ITGB3BP: variants seen among roughly 807,000 people sequenced by gnomAD.
ITGB3BP encodes the protein integrin subunit beta 3 binding protein, also known as centromere protein R.
ITGB3BP carries 27 observed loss-of-function variants against 29.1 expected under a neutral mutation model. The ratio of observed to expected loss-of-function variants is 0.93; its 90% confidence interval spans 0.68 to 1.28. The LOEUF is 1.28. Among genes scored for constraint, ITGB3BP ranks in the 50% most tolerant of loss-of-function variants. The probability of loss-of-function intolerance (pLI) is 0.00; values close to 1 mark genes in which losing one functional copy is unlikely to be tolerated. For synonymous variants in ITGB3BP, 61 were observed against 61.4 expected (o/e 0.99, Z 0.03); for missense variants, 192 against 200.2 (o/e 0.96, Z 0.25).
chr1:63,468,125 A>G (rs551264535), intron 4 of ITGB3BP, among the ~76,000 whole-genome samples: 1 of 152,322 alleles, frequency 6.6e-6, no homozygotes, highest in Admixed American at 6.5e-5. Flanking sequence ...TACATAGTAA[A>G]AAACATGGCT....
chr1:63,523,181 CAACTTCCGAA>C lies in ITGB3BP; in HGVS notation c.-58_-49del. 1.9e-6 allele frequency: 3 copies of C among 1,613,012 alleles called. No individual in the cohort carries two copies. The highest frequency in any genetic ancestry group is 2.5e-6 in the Non-Finnish European group (3 of 1,179,720). On this transcript the variant is annotated 5_prime_UTR_variant, in exon 1 of 9. Transcript: ENST00000271002. ...CTGCCGCTGAATAAAACGAACCCAG[CAACTTCCGAA>C]AACAGAAAATCCGCCAAAGGAAACG... is the stretch of plus-strand genomic sequence containing the variant.
At chr1:63,515,865 C>G (rs1022912725) in intron 1 of ITGB3BP, among the ~76,000 whole-genome samples, 2 of 144,042 alleles carry the variant, frequency 1.4e-5, no homozygotes, top group Non-Finnish European at 3.0e-5. Flanking sequence ...AACTACCCAG[C>G]AACCACCACA....
At chr1:63,482,019 T>A (rs927194839) in intron 3 of ITGB3BP, among the ~76,000 whole-genome samples, 1 of 152,024 alleles carries the variant, frequency 6.6e-6, no homozygotes, top group Non-Finnish European at 1.5e-5. Flanking sequence ...ATGCCTGTAA[T>A]CCTAGCACTT....
At chr1:63,517,204 G>T (rs1646352094) in intron 1 of ITGB3BP, among the ~76,000 whole-genome samples, 1 of 151,736 alleles carries the variant, frequency 6.6e-6, no homozygotes, top group Non-Finnish European at 1.5e-5. Flanking sequence ...AACTTAAAAA[G>T]AAATGTTTGT....
At chr1:63,503,359 G>A (rs1645988026) in intron 2 of ITGB3BP, among the ~76,000 whole-genome samples, 1 of 151,486 alleles carries the variant, frequency 6.6e-6, no homozygotes, top group Admixed American at 6.6e-5. Context: ...TTTTGATGGG[G>A]TTGTTTTTTT....
chr1:63,460,027 A>AT (rs200344835), intron 4 of ITGB3BP, among the ~76,000 whole-genome samples: 2 of 151,934 alleles, frequency 1.3e-5, no homozygotes, highest in African/African-American at 4.8e-5. Flanking sequence ...AAAAAAAAAA[A>AT]TTCCCCCCCG....
At chr1:63,473,604 G>A (rs1182588270) in intron 4 of ITGB3BP, among the ~76,000 whole-genome samples, 138 of 129,702 alleles carry the variant, frequency 1.1e-3, no homozygotes, top group Middle Eastern at 5.2e-3. Flanking sequence ...CAGCCGCCCC[G>A]TCCGGGAGGG....
chr1:63,477,846 A>G (rs761563024), intron 4 of ITGB3BP, among the ~76,000 whole-genome samples: 3 of 152,138 alleles, frequency 2.0e-5, no homozygotes, highest in Non-Finnish European at 2.9e-5. Context: ...AAACATATGC[A>G]CTACTTTGAA....
chr1:63,479,905 T>C (rs756609190), intron 3 of ITGB3BP, among the ~76,000 whole-genome samples: 3 of 152,180 alleles, frequency 2.0e-5, no homozygotes. Context: ...GCAATGAACA[T>C]GGGAGTCCAG....
chr1:63,509,178 GCTCT>G (rs2100776795), intron 1 of ITGB3BP, among the ~76,000 whole-genome samples: 1 of 152,272 alleles, frequency 6.6e-6, no homozygotes, highest in South Asian at 2.1e-4. Flanking sequence ...AATATGCCAG[GCTCT>G]CTGTGTGCAA....
chr1:63,476,351 A>G, intron 4 of ITGB3BP, among the ~76,000 whole-genome samples: 1 of 152,104 alleles, frequency 6.6e-6, no homozygotes, highest in East Asian at 1.9e-4. Context: ...TTTAGTAGAT[A>G]ATAATGGGCA....
At chr1:63,477,252 A>G (rs1645356618) in intron 4 of ITGB3BP, among the ~76,000 whole-genome samples, 1 of 152,240 alleles carries the variant, frequency 6.6e-6, no homozygotes, top group Admixed American at 6.5e-5. Context: ...TATATAGTTC[A>G]GCTATATTAT....
chr1:63,459,327 C>G (rs906631070), intron 4 of ITGB3BP, among the ~76,000 whole-genome samples: 1 of 152,138 alleles, frequency 6.6e-6, no homozygotes, highest in Non-Finnish European at 1.5e-5. Flanking sequence ...CTAATTAATT[C>G]TATTACTAAA....
intron 1 of ITGB3BP, among the ~76,000 whole-genome samples, chr1:63,516,543 T>C (rs12739873): frequency 1 from 151,521 of 151,524 alleles, 75,759 homozygotes; most frequent in Middle Eastern, 1. Flanking sequence ...GACTCTGTCT[T>C]TACAAAAAAA....
intron 1 of ITGB3BP, among the ~76,000 whole-genome samples, chr1:63,510,767 G>A (rs6698928): frequency 0.21 from 32,443 of 151,746 alleles, 4,032 homozygotes; most frequent in African/African-American, 0.35. Flanking sequence ...GAGGGGAAGG[G>A]AATTAAAGAA....
At chr1:63,494,995 C>T (rs1001860669) in intron 2 of ITGB3BP, among the ~76,000 whole-genome samples, 2 of 152,070 alleles carry the variant, frequency 1.3e-5, no homozygotes, top group Non-Finnish European at 2.9e-5. Flanking sequence ...TTTTTAGAGA[C>T]AGGGTCTTAC....
intron 8 of ITGB3BP, among the ~76,000 whole-genome samples, chr1:63,442,113 A>G (rs943508423): frequency 1.3e-5 from 2 of 152,168 alleles, no homozygotes; most frequent in African/African-American, 4.8e-5. Context: ...AAACAAACAG[A>G]TAATCCCATC....
At position 63,453,814 on chromosome 1, in the gene ITGB3BP, G is replaced by A. The variant is rs544776298; in HGVS notation, c.484+104C>T. On this transcript the variant is annotated intron_variant, in intron 7 of 8. Transcript: ENST00000271002. ...AACATACTTCAGAACAGGGATCTCT[G>A]AGGAAAAAAGAAAACCACTAAAAAG... The A allele has an allele frequency of 8.6e-6, 6 of 701,572 alleles. No individual in the cohort carries two copies. The Admixed American group carries it at 1.0e-4, about 12-fold the overall frequency. 43.5% of individuals were successfully genotyped at this position (701,572 alleles called of 1,614,324 possible).
chr1:63,504,166 C>G (rs1027008447), intron 2 of ITGB3BP, among the ~76,000 whole-genome samples: 5 of 151,550 alleles, frequency 3.3e-5, no homozygotes, highest in Admixed American at 1.3e-4. Context: ...TCTTCCATTT[C>G]TTTGTATCCT....
Sources: allele counts gnomAD v4.1 joint callset (sites outside exome capture counted in the v4.1 genomes callset), GRCh38; gene constraint gnomAD v4.1.1; transcripts MANE v1.5; gene names NCBI Gene and HGNC (gene_info 2026-07-23, HGNC 2026-07-21).